The following EIF2B1 variants were observed in gnomAD, a reference collection of about 807,000 sequenced individuals.
EIF2B1 encodes eukaryotic translation initiation factor 2B subunit alpha.
A neutral mutation model predicts 36.8 loss-of-function variants in EIF2B1; 30 were observed. The ratio of observed to expected loss-of-function variants is 0.81; its 90% CI spans 0.61 to 1.10. The LOEUF (loss-of-function observed/expected upper bound fraction) is 1.10. Ranked by LOEUF, EIF2B1 falls within the 50% of genes least tolerant of loss-of-function variation. EIF2B1 has a pLI of 0.00. For synonymous variants in EIF2B1, 139 were observed against 142.2 expected (o/e 0.98, Z 0.16); for missense variants, 271 against 374.8 (o/e 0.72, Z 2.29).
intron 8 of EIF2B1, 142 bp from the exon 9 acceptor site, chr12:123,622,062 A>G: frequency 8.3e-7 from 1 of 1,208,108 alleles, no homozygotes; most frequent in African/African-American, 1.5e-5. Context: ...GACACTAGAG[A>G]CGAGGGCAGA....
At chr12:123,622,791 C>T (rs2135759809) in intron 7 of EIF2B1, 30 bp from the exon 8 acceptor site, 1 of 1,612,500 alleles carries the variant, frequency 6.2e-7, no homozygotes, top group South Asian at 1.1e-5. Context: ...AATGGATGAG[C>T]TCTAGAGTGC....
chr12:123,622,408 C>T (rs968082745), intron 8 of EIF2B1, among the ~76,000 whole-genome samples: 3 of 152,180 alleles, frequency 2.0e-5, no homozygotes, highest in African/African-American at 7.2e-5. Flanking sequence ...ACTTACCCAC[C>T]AGCTTCGGGC....
At chr12:123,631,806 CAAAA>C (rs36090968) in intron 2 of EIF2B1, among the ~76,000 whole-genome samples, 1 of 128,238 alleles carries the variant, frequency 7.8e-6, no homozygotes, top group Non-Finnish European at 1.7e-5. Flanking sequence ...GACTCCGTCT[CAAAA>C]AAAAAAAAAA....
At chr12:123,627,210 ACCCTCTGCACTG>A (rs1387773515) in intron 4 of EIF2B1, 54 bp from the exon 5 acceptor site, 18 of 1,371,878 alleles carry the variant, frequency 1.3e-5, no homozygotes, top group Non-Finnish European at 1.8e-5. Flanking sequence ...GCTCACTCAC[ACCCTCTGCACTG>A]CGGCACGTGT....
rs1180249995 is a variant in EIF2B1, at chr12:123,626,668, A to C, written c.483-175T>G. The C allele has an allele frequency of 6.5e-6, 5 of 769,116 alleles. No individual in the cohort carries two copies. The Admixed American group carries it at 1.1e-4, about 17-fold the overall frequency. The allele number at this position is 769,116 out of a possible 1,614,324, so 47.6% of individuals were successfully genotyped here. ...ACAAGAATTTGAGTTCTTTAGAAAG[A>C]AGTATTTTTGGAAAACTATACTCTT... On this transcript the variant is annotated intron_variant, in intron 5 of 8. Coordinates refer to ENST00000424014, the MANE Select transcript of EIF2B1 (RefSeq NM_001414.4).
chr12:123,621,357 G>A lies in EIF2B1; in HGVS notation c.*399C>T. 1 of 332,546 alleles carries A rather than the reference G, an allele frequency of 3.0e-6. No individual in the cohort carries two copies. The highest frequency in any genetic ancestry group is 5.9e-6 in the Non-Finnish European group (1 of 170,018). 20.6% of individuals were successfully genotyped at this position (332,546 alleles called of 1,614,324 possible). A position where few individuals can be genotyped will look rare whatever the true frequency, so the allele number is the denominator to read the frequency against. The stretch of plus-strand genomic sequence containing the variant: ...GCGTGTAACGTCCTGACCAGCTGTT[G>A]GTCATTTGTGGCAGAGGGGTGTGGC... On this transcript the variant is annotated 3_prime_UTR_variant, in exon 9 of 9. Transcript: ENST00000424014.
intron 4 of EIF2B1, among the ~76,000 whole-genome samples, chr12:123,628,823 A>G (rs1204305890): frequency 6.6e-6 from 1 of 152,166 alleles, no homozygotes; most frequent in Non-Finnish European, 1.5e-5. Context: ...TGCATTTAAT[A>G]AGACCCCAGC....
At chr12:123,625,000 C>A in intron 6 of EIF2B1, 138 bp from the exon 7 acceptor site, 2 of 738,604 alleles carry the variant, frequency 2.7e-6, no homozygotes, top group Admixed American at 2.1e-5. Flanking sequence ...GCGCACTTAA[C>A]ACGCGATAGA....
At position 123,621,377 on chromosome 12, in the gene EIF2B1, T is replaced by G. The variant is rs1593775982; in HGVS notation, c.*379A>C. On this transcript the variant is annotated 3_prime_UTR_variant, in exon 9 of 9. Transcript: ENST00000424014. ...CTGTTGGTCATTTGTGGCAGAGGGG[T>G]GTGGCTGCTTTTCGCCTGCATCTCG... 2.9e-6 allele frequency: 1 copy of G among 339,060 alleles called. No homozygotes were observed. The highest frequency in any genetic ancestry group is 5.8e-6 in the Non-Finnish European group (1 of 173,276). The allele number at this position is 339,060 out of a possible 1,614,324, so 21.0% of individuals were successfully genotyped here. A position where few individuals can be genotyped will look rare whatever the true frequency, so the allele number is the denominator to read the frequency against.
intron 2 of EIF2B1, 59 bp downstream of exon 2, chr12:123,632,286 G>A (rs7300147): frequency 0.37 from 327,675 of 896,926 alleles, 55,140 homozygotes; most frequent in African/African-American, 0.6. Flanking sequence ...AAAAAAAAAA[G>A]AAAAGAAAAA....
intron 7 of EIF2B1, among the ~76,000 whole-genome samples, chr12:123,624,133 GTATA>G (rs1055765144): frequency 7.4e-5 from 11 of 148,524 alleles, no homozygotes; most frequent in African/African-American, 2.5e-4. Flanking sequence ...AAATATTTGT[GTATA>G]TATATTATGT....
intron 8 of EIF2B1, 43 bp from the exon 9 acceptor site, chr12:123,621,963 G>T (rs770353028): frequency 4.4e-6 from 7 of 1,609,156 alleles, no homozygotes; most frequent in Non-Finnish European, 5.9e-6. Flanking sequence ...AATATTTAGT[G>T]CTCTGACCTG....
intron 2 of EIF2B1, among the ~76,000 whole-genome samples, chr12:123,631,182 G>T (rs1182872796): frequency 6.6e-6 from 1 of 152,108 alleles, no homozygotes; most frequent in Non-Finnish European, 1.5e-5. Context: ...TACGCATCAT[G>T]GTTAACACAA....
Position 123,630,561 on chromosome 12 carries a change from G to A in EIF2B1, c.116-28C>T, listed in dbSNP as rs189474095. 4 of 1,609,262 alleles carry A rather than the reference G, an allele frequency of 2.5e-6. No individual in the cohort carries two copies. The African/African-American group carries it at 4.0e-5, about 16-fold the overall frequency. On this transcript the variant is annotated intron_variant, in intron 2 of 8. Coordinates refer to ENST00000424014, the MANE Select transcript of EIF2B1 (RefSeq NM_001414.4). The surrounding 1 kb of genome is among the most constrained non-coding windows in gnomAD (Gnocchi z 4.6). ...GGAATGATCCAACAAGGAATGTGAT[G>A]TTCACATTAGGGCCACAGCCCCGAC...
rs188253706 is a variant in EIF2B1 at position 123,630,057 on chromosome 12, G to A, written c.369+112C>T. 4.5e-6 allele frequency: 4 copies of A among 893,634 alleles called. No homozygotes were observed. In the Admixed American group the frequency reaches 6.8e-5, roughly 15 times the overall value. The allele number at this position is 893,634 out of a possible 1,614,324, so 55.4% of individuals were successfully genotyped here. On this transcript the variant is annotated intron_variant, in intron 4 of 8. Coordinates refer to ENST00000424014, the MANE Select transcript of EIF2B1 (RefSeq NM_001414.4). The surrounding 1 kb of genome is among the most constrained non-coding windows in gnomAD (Gnocchi z 4.6). The stretch of plus-strand genomic sequence containing the variant: ...TGAGAAAGCTGCACAGACAGGTTAA[G>A]TTACTTGTTCAAGTCTCCACAGCAA...
At chr12:123,632,520 G>A (rs1739358728) in intron 1 of EIF2B1, 74 bp from the exon 2 acceptor site, 2 of 1,023,590 alleles carry the variant, frequency 2.0e-6, no homozygotes, top group African/African-American at 1.6e-5. Context: ...GTTAATGACT[G>A]TTGACTTTAA....
In EIF2B1 at chr12:123,630,611, TTCAGTGAA is replaced by T; in HGVS notation, c.116-86_116-79del. ...CCTGTATCTTCAATTCATTCATTCA[TTCAGTGAA>T]TATTTACTAGGTACATACTATATAC... On this transcript the variant is annotated intron_variant, in intron 2 of 8. Transcript: ENST00000424014. The surrounding 1 kb of genome is among the most constrained non-coding windows in gnomAD (Gnocchi z 4.6). 1.3e-6 allele frequency: 2 copies of T among 1,566,024 alleles called. No individual in the cohort carries two copies. The highest frequency in any genetic ancestry group is 2.2e-5 in the South Asian group (2 of 89,878).
Position 123,621,836 on chromosome 12 carries a change from A to C in EIF2B1, c.838T>G (p.Leu280Val), listed in dbSNP as rs752958176. The stretch of plus-strand genomic sequence containing the variant: ...AGGTCTGTAAACAGCAGAGTGATTA[A>C]GGAAGGGGCAGTGTAGTCGACCCAC... ...HPWVDYTAPS[L>V]ITLLFTDLGV... The change falls in exon 9 of 9, where the codon TTA (leucine) becomes GTA (valine). Residue 280 changes from leucine to valine, a missense_variant. By Grantham distance (32) the Leu-to-Val change is conservative. Transcript: ENST00000424014. 16 of 1,613,978 alleles carry C rather than the reference A, an allele frequency of 9.9e-6. No individual in the cohort carries two copies. Among genetic ancestry groups the C allele is most frequent in the Non-Finnish European group, 1.7e-6 (2 of 1,180,044 alleles).
At chr12:123,627,808 C>T (rs1955159859) in intron 4 of EIF2B1, among the ~76,000 whole-genome samples, 1 of 152,172 alleles carries the variant, frequency 6.6e-6, no homozygotes, top group Non-Finnish European at 1.5e-5. Context: ...GAGCCATAAT[C>T]ATGCCAGTGC....
Sources: allele counts gnomAD v4.1 joint callset (sites outside exome capture counted in the v4.1 genomes callset), GRCh38; gene constraint gnomAD v4.1.1; non-coding constraint Gnocchi (gnomAD v3.1); transcripts MANE v1.5; gene names NCBI Gene and HGNC (gene_info 2026-07-23, HGNC 2026-07-21).